The following SUFU variants were observed in gnomAD, a reference collection of about 807,000 sequenced individuals.
SUFU encodes the protein SUFU negative regulator of hedgehog signaling, also known as suppressor of fused homolog.
In SUFU, 7 loss-of-function variants were observed where a neutral mutation model predicts 58.9. The ratio of observed to expected loss-of-function variants is 0.12; its 90% CI spans 0.07 to 0.22. SUFU has a LOEUF of 0.22. Ranked by LOEUF, SUFU falls within the 10% of genes least tolerant of loss-of-function variation. SUFU has a pLI of 1.00. For missense variants in SUFU, 451 were observed against 641.3 expected, an observed-to-expected ratio of 0.70 and a Z score of 3.20; for synonymous variants, 232 against 254.8, an observed-to-expected ratio of 0.91 and a Z score of 0.85.
rs1398431746 is a variant in SUFU at position 102,617,078 on chromosome 10, AGAGAACTTGT to A, written c.1158-207_1158-198del. ...TTGAGCACTTTGGAAGGATGATGTTAGAGAACTTGTGAGAGGAGCTTCTCTTTGAAGGTGT... is the reference window on the plus strand; with the variant it reads ...TTGAGCACTTTGGAAGGATGATGTTAGAGAGGAGCTTCTCTTTGAAGGTGT... On this transcript the variant is annotated intron_variant, in intron 9 of 11. Transcript: ENST00000369902. The surrounding 1 kb of genome is among the most constrained non-coding windows in gnomAD (Gnocchi z 4.4). Among the ~76,000 whole-genome samples the A allele has an allele frequency of 1.3e-5, 2 of 152,244 alleles. No individual in the cohort carries two copies. Among genetic ancestry groups the A allele is most frequent in the East Asian group, 3.9e-4 (2 of 5,192 alleles).
chr10:102,517,123 C>CAA (rs758425846), intron 2 of SUFU, among the ~76,000 whole-genome samples: 4 of 121,870 alleles, frequency 3.3e-5, no homozygotes, highest in Non-Finnish European at 5.3e-5. Flanking sequence ...AACTCCATCT[C>CAA]AAAAAAAAAA....
At position 102,618,931 on chromosome 10, in the gene SUFU, C is replaced by CGTGCGT. The variant is rs1554854954; in HGVS notation, c.1296+1506_1296+1507insCGTGTG. ...ATCATTCCCAAGTGTCCTCAGGTAG[C>CGTGCGT]GTGTGTGTGTGTGTGTGTGTGTGTG... On this transcript the variant is annotated intron_variant, in intron 10 of 11. Transcript: ENST00000369902. 17 of 575,444 alleles carry CGTGCGT rather than the reference C, an allele frequency of 3.0e-5. No individual in the cohort carries two copies. In the African/African-American group the frequency reaches 3.6e-4, roughly 12 times the overall value. The allele number at this position is 575,444 out of a possible 1,614,324, so 35.6% of individuals were successfully genotyped here.
intron 8 of SUFU, among the ~76,000 whole-genome samples, chr10:102,607,548 A>C (rs2063574137): frequency 6.6e-6 from 1 of 152,240 alleles, no homozygotes; most frequent in Non-Finnish European, 1.5e-5. Context: ...TATCCTGAAA[A>C]GGTGGGAAGG....
At chr10:102,521,615 A>G (rs1416443276) in intron 2 of SUFU, among the ~76,000 whole-genome samples, 1 of 152,202 alleles carries the variant, frequency 6.6e-6, no homozygotes, top group Non-Finnish European at 1.5e-5. Flanking sequence ...CCTCCAGTAC[A>G]GACTGTAGAG....
intron 7 of SUFU, among the ~76,000 whole-genome samples, chr10:102,599,129 G>A (rs2063491742): frequency 6.6e-6 from 1 of 152,174 alleles, no homozygotes; most frequent in Non-Finnish European, 1.5e-5. Context: ...GCCATGTTAA[G>A]GGTAAACCTC....
At chr10:102,533,476 A>T (rs965367318) in intron 2 of SUFU, among the ~76,000 whole-genome samples, 4 of 151,934 alleles carry the variant, frequency 2.6e-5, no homozygotes, top group African/African-American at 9.7e-5. Context: ...TGGGAGGTTG[A>T]GGTGAGAGGA....
At chr10:102,626,352 G>T (rs937617712) in intron 10 of SUFU, among the ~76,000 whole-genome samples, 9 of 152,172 alleles carry the variant, frequency 5.9e-5, no homozygotes, top group African/African-American at 2.2e-4. Context: ...CGTTGGTATT[G>T]GCTGTGAAAA....
chr10:102,549,910 C>A (rs1339746606), intron 2 of SUFU, 60 bp from the exon 3 acceptor site: 1 of 1,608,590 alleles, frequency 6.2e-7, no homozygotes, highest in African/African-American at 1.3e-5. Flanking sequence ...TTTAGACTTT[C>A]AAGAGAGTGT....
At chr10:102,514,862 A>C (rs1465710403) in intron 2 of SUFU, among the ~76,000 whole-genome samples, 1 of 152,222 alleles carries the variant, frequency 6.6e-6, no homozygotes, top group Non-Finnish European at 1.5e-5. Flanking sequence ...GGGTAGTTGG[A>C]GAGTGCATTT....
At chr10:102,623,132 G>A (rs2063756196) in intron 10 of SUFU, among the ~76,000 whole-genome samples, 1 of 152,172 alleles carries the variant, frequency 6.6e-6, no homozygotes, top group Non-Finnish European at 1.5e-5. Context: ...TTGGTTGAGG[G>A]TCTTCCTCTC....
intron 2 of SUFU, among the ~76,000 whole-genome samples, chr10:102,527,530 A>C (rs2062625859): frequency 6.6e-6 from 1 of 150,900 alleles, no homozygotes; most frequent in African/African-American, 2.4e-5. Context: ...TTTATAGTAC[A>C]TCATGACATT....
intron 3 of SUFU, among the ~76,000 whole-genome samples, chr10:102,555,269 C>CAAAA (rs57658645): frequency 5.1e-5 from 4 of 78,092 alleles, no homozygotes; most frequent in African/African-American, 1.0e-4. Flanking sequence ...CTCCGTCTCA[C>CAAAA]AAAAAAAAAA....
rs537207765 is a variant in SUFU at position 102,608,362 on chromosome 10, GAAAAAA to G, written c.1023-6905_1023-6900del. Among the ~76,000 whole-genome samples, 48 of 152,150 alleles carry G rather than the reference GAAAAAA, an allele frequency of 3.2e-4. No homozygotes were observed. The East Asian group carries it at 3.3e-3, about 10-fold the overall frequency. On this transcript the variant is annotated intron_variant, in intron 8 of 11. Transcript: ENST00000369902. ...AACCGTTTGACTAAACACTAAAAAA[GAAAAAA>G]GAAAAAGATATTGTATGAGCTGTTA...
chr10:102,521,201 T>C (rs936989734), intron 2 of SUFU, among the ~76,000 whole-genome samples: 2 of 152,234 alleles, frequency 1.3e-5, no homozygotes, highest in Non-Finnish European at 2.9e-5. Context: ...TGTTTTAATT[T>C]GCAGTTCTCT....
chr10:102,596,258 A>G (rs188997673), intron 6 of SUFU, among the ~76,000 whole-genome samples: 3 of 152,196 alleles, frequency 2.0e-5, no homozygotes, highest in African/African-American at 7.2e-5. Context: ...CGGGAAGCAC[A>G]GATTATTGTT....
chr10:102,516,069 A>T (rs1237288534), intron 2 of SUFU, among the ~76,000 whole-genome samples: 1 of 148,526 alleles, frequency 6.7e-6, no homozygotes, highest in Non-Finnish European at 1.5e-5. Context: ...AAATCTCTGA[A>T]TTTGTGAATT....
rs897669363 is a variant in SUFU, at chr10:102,629,858, G to A, written c.1366-208G>A. Among the ~76,000 whole-genome samples the A allele has an allele frequency of 1.3e-5, 2 of 152,198 alleles. No individual in the cohort carries two copies. The highest frequency in any genetic ancestry group is 2.9e-5 in the Non-Finnish European group (2 of 68,026). ...CCCTCCTCCAACCTGCCTCATTATTGACAGGCCGTGGGGAAAGAAGGGGTC... is the reference window on the plus strand; with the variant it reads ...CCCTCCTCCAACCTGCCTCATTATTAACAGGCCGTGGGGAAAGAAGGGGTC... On this transcript the variant is annotated intron_variant, in intron 11 of 11. Transcript: ENST00000369902. The surrounding 1 kb of genome is among the most constrained non-coding windows in gnomAD (Gnocchi z 4.7).
chr10:102,592,291 G>A lies in SUFU; in HGVS notation c.455-291G>A, dbSNP rs545587553. 2.0e-5 allele frequency among the ~76,000 whole-genome samples: 3 copies of A among 152,324 alleles called. No homozygotes were observed. The East Asian group carries it at 5.8e-4, about 29-fold the overall frequency. ...CTCCCACCATGAGTCGGGATATTGG[G>A]GAAGCGAAGCAGATGCCAGAAGTCT... is the stretch of plus-strand genomic sequence containing the variant. On this transcript the variant is annotated intron_variant, in intron 3 of 11. Coordinates refer to ENST00000369902, the MANE Select transcript of SUFU (RefSeq NM_016169.4).
At chr10:102,614,771 G>A (rs2063667228) in intron 8 of SUFU, among the ~76,000 whole-genome samples, 1 of 151,812 alleles carries the variant, frequency 6.6e-6, no homozygotes. Context: ...AGCTACTCGG[G>A]AGGCTAAGGC....
Sources: gnomAD v4.1 joint callset for allele counts (sites outside exome capture counted in the v4.1 genomes callset) on GRCh38, gnomAD v4.1.1 for gene constraint, Gnocchi (gnomAD v3.1) non-coding constraint, MANE v1.5 for transcripts, NCBI Gene and HGNC (gene_info 2026-07-23, HGNC 2026-07-21) for gene names.